SLC25A16: variants seen among roughly 807,000 people sequenced by gnomAD.
The protein encoded by SLC25A16 is solute carrier family 25 member 16.
In SLC25A16, 39 loss-of-function variants were observed where a neutral mutation model predicts 41.5. The observed-to-expected ratio is 0.94, with a 90% CI of 0.73 to 1.23. The LOEUF is 1.23. Among genes scored for constraint, SLC25A16 ranks in the 50% most tolerant of loss-of-function variants. SLC25A16 has a pLI of 0.00. For missense variants in SLC25A16, 421 were observed against 426.9 expected, an observed-to-expected ratio of 0.99 and a Z score of 0.12; for synonymous variants, 146 against 147.8, an observed-to-expected ratio of 0.99 and a Z score of 0.09.
At position 68,508,199 on chromosome 10, in the gene SLC25A16, G is replaced by C. The variant is rs187824445; in HGVS notation, c.224-1481C>G. Reference sequence around the variant, plus strand: ...TACACTCCAGCCTGGGTGATAGAGTGAGACTCCATCTCAAAAAAACAAACA... The same window carrying C: ...TACACTCCAGCCTGGGTGATAGAGTCAGACTCCATCTCAAAAAAACAAACA... On this transcript the variant is annotated intron_variant, in intron 2 of 8. Coordinates refer to ENST00000609923, the MANE Select transcript of SLC25A16 (RefSeq NM_152707.4). Among the ~76,000 whole-genome samples, 71 of 152,082 alleles carry C rather than the reference G, an allele frequency of 4.7e-4. 3 individuals carry two copies. In the East Asian group the frequency reaches 0.011, roughly 24 times the overall value.
At chr10:68,509,091 A>G (rs957624018) in intron 2 of SLC25A16, among the ~76,000 whole-genome samples, 3 of 152,140 alleles carry the variant, frequency 2.0e-5, no homozygotes, top group African/African-American at 7.2e-5. Context: ...TATTCCTAGC[A>G]CTTTGGGAGG....
Position 68,506,554 on chromosome 10 carries a change from C to T in SLC25A16, c.357+31G>A, listed in dbSNP as rs771850216. The T allele has an allele frequency of 1.3e-5, 20 of 1,499,630 alleles. No individual in the cohort carries two copies. The Admixed American group carries it at 1.7e-4, about 13-fold the overall frequency. 92.9% of individuals were successfully genotyped at this position (1,499,630 alleles called of 1,614,324 possible). On this transcript the variant is annotated intron_variant, in intron 3 of 8. Transcript: ENST00000609923. ...GTCAAGCATGCATGATATTCAAGAA[C>T]GCAAAAGAGAAAAGATCAAAGTTTA...
intron 4 of SLC25A16, chr10:68,500,055 G>C (rs1246510163): frequency 7.3e-6 from 2 of 275,384 alleles, no homozygotes; most frequent in Admixed American, 9.1e-5. Context: ...GTTTCCTTTT[G>C]CTGGCCAACT....
chr10:68,497,727 C>T (rs2133529048), intron 4 of SLC25A16, among the ~76,000 whole-genome samples: 1 of 151,606 alleles, frequency 6.6e-6, no homozygotes, highest in African/African-American at 2.4e-5. Context: ...AGCAATTCTC[C>T]TGCCTCAGCC....
intron 8 of SLC25A16, among the ~76,000 whole-genome samples, chr10:68,483,811 C>A (rs149456778): frequency 2.0e-5 from 3 of 151,952 alleles, no homozygotes; most frequent in Non-Finnish European, 4.4e-5. Context: ...TACAGGCACG[C>A]GCCACCATGC....
At chr10:68,488,350 T>G in intron 7 of SLC25A16, 117 bp downstream of exon 7, 9 of 660,874 alleles carry the variant, frequency 1.4e-5, no homozygotes, top group Non-Finnish European at 2.2e-5. Context: ...GAGACCTATA[T>G]TTTGCAAGGA....
intron 2 of SLC25A16, 42 bp downstream of exon 2, chr10:68,516,709 A>T: frequency 7.3e-7 from 1 of 1,373,224 alleles, no homozygotes; most frequent in Non-Finnish European, 1.0e-6. Context: ...CACTTTCCAC[A>T]ATATTTTCAT....
intron 4 of SLC25A16, chr10:68,503,386 G>A (rs552058776): frequency 2.9e-6 from 1 of 339,760 alleles, no homozygotes; most frequent in Non-Finnish European, 5.3e-6. Context: ...TTTTTCAGTT[G>A]GCGTACTGAT....
At chr10:68,486,230 A>AAAAAC (rs1491424055) in intron 8 of SLC25A16, among the ~76,000 whole-genome samples, 128 of 137,586 alleles carry the variant, frequency 9.3e-4, no homozygotes, top group African/African-American at 3.5e-3. Context: ...AAAAAACAAA[A>AAAAAC]CAAAAAAAAA....
intron 1 of SLC25A16, chr10:68,517,591 G>A (rs2457452): frequency 0.05 from 7,565 of 152,146 alleles, 227 homozygotes; most frequent in South Asian, 0.09. Flanking sequence ...CAGCACTTTC[G>A]GAGGCTGAGG....
chr10:68,502,327 G>T (rs926285649), intron 4 of SLC25A16, among the ~76,000 whole-genome samples: 1 of 151,942 alleles, frequency 6.6e-6, no homozygotes. Context: ...TAACATGTTT[G>T]GCCATGTAAA....
At chr10:68,521,508 A>G (rs1258243328) in intron 1 of SLC25A16, among the ~76,000 whole-genome samples, 1 of 151,608 alleles carries the variant, frequency 6.6e-6, no homozygotes, top group African/African-American at 2.4e-5. Flanking sequence ...AGCCTGGGTG[A>G]CAAAGCAAGA....
chr10:68,498,324 T>C (rs11497980), intron 4 of SLC25A16, among the ~76,000 whole-genome samples: 1 of 120,072 alleles, frequency 8.3e-6, no homozygotes, highest in Non-Finnish European at 1.7e-5. Context: ...TAACTTTTTC[T>C]TTTTTTTTTT....
chr10:68,501,474 A>AAAAC (rs137995808), intron 4 of SLC25A16, among the ~76,000 whole-genome samples: 47 of 150,626 alleles, frequency 3.1e-4, no homozygotes, highest in African/African-American at 1.1e-3. Flanking sequence ...AGCCTATCTC[A>AAAAC]AAACAAACAA....
intron 6 of SLC25A16, among the ~76,000 whole-genome samples, chr10:68,490,747 T>A (rs932276936): frequency 6.6e-6 from 1 of 151,864 alleles, no homozygotes; most frequent in Non-Finnish European, 1.5e-5. Context: ...TAGTGGCATA[T>A]ATATAAAATG....
intron 1 of SLC25A16, among the ~76,000 whole-genome samples, chr10:68,526,112 A>G (rs1272994343): frequency 6.6e-6 from 1 of 151,890 alleles, no homozygotes; most frequent in Non-Finnish European, 1.5e-5. Context: ...GAGGAGGATT[A>G]GTATAAGAGG....
intron 4 of SLC25A16, among the ~76,000 whole-genome samples, chr10:68,500,690 G>T (rs12774972): frequency 0.16 from 24,094 of 151,214 alleles, 2,151 homozygotes; most frequent in Admixed American, 0.26. Flanking sequence ...TAGCACTTTG[G>T]GAGGCCAAGG....
chr10:68,518,502 G>A (rs981817166), intron 1 of SLC25A16, among the ~76,000 whole-genome samples: 1 of 151,722 alleles, frequency 6.6e-6, no homozygotes, highest in African/African-American at 2.4e-5. Context: ...GTGGCTGGGA[G>A]CCGTGGCTCA....
intron 1 of SLC25A16, among the ~76,000 whole-genome samples, chr10:68,520,297 C>T (rs149197913): frequency 9.9e-5 from 15 of 152,210 alleles, no homozygotes; most frequent in African/African-American, 3.6e-4. Context: ...CTACGATAGT[C>T]CCCCCTTATC....
Sources: gnomAD v4.1 joint callset for allele counts (sites outside exome capture counted in the v4.1 genomes callset) on GRCh38, gnomAD v4.1.1 for gene constraint, MANE v1.5 for transcripts, NCBI Gene and HGNC (gene_info 2026-07-23, HGNC 2026-07-21) for gene names.